Variants in TENM2 observed in about 807,000 individuals in gnomAD.
TENM2 encodes teneurin transmembrane protein 2.
Under a neutral mutation model 245.2 loss-of-function variants are expected in TENM2, and 52 were observed. The ratio of observed to expected loss-of-function variants is 0.21; its 90% CI spans 0.17 to 0.27. The LOEUF is 0.27. Among genes scored for constraint, TENM2 ranks in the 10% least tolerant of loss-of-function variants. TENM2 has a pLI of 1.00. For synonymous variants in TENM2, 1,363 were observed against 1,438.9 expected (o/e 0.95, Z 1.19); for missense variants, 3,046 against 3,666.8 (o/e 0.83, Z 4.37).
chr5:167,392,811 TTTAG>T (rs1761834484), intron 2 of TENM2, among the ~76,000 whole-genome samples: 1 of 152,222 alleles, frequency 6.6e-6, no homozygotes, highest in Admixed American at 6.5e-5. Flanking sequence ...AGAATATTTA[TTTAG>T]TTAGTTATTG....
chr5:167,431,600 T>C (rs1764224305), intron 2 of TENM2, among the ~76,000 whole-genome samples: 1 of 152,076 alleles, frequency 6.6e-6, no homozygotes, highest in Non-Finnish European at 1.5e-5. Flanking sequence ...GTCTAAAAAA[T>C]AGATTGCATT....
At chr5:168,105,034 A>G (rs866239855) in intron 9 of TENM2, among the ~76,000 whole-genome samples, 1 of 152,198 alleles carries the variant, frequency 6.6e-6, no homozygotes, top group Admixed American at 6.5e-5. Context: ...TGGGAGTCCA[A>G]AATACTGTGA....
chr5:167,196,754 T>A, the TENM2 span, among the ~76,000 whole-genome samples: 3 of 151,896 alleles, frequency 2.0e-5, no homozygotes, highest in Admixed American at 2.0e-4. Context: ...ACACTTTACA[T>A]AGTATATACA....
chr5:168,026,310 C>T (rs1786626858), intron 5 of TENM2, among the ~76,000 whole-genome samples: 2 of 152,186 alleles, frequency 1.3e-5, no homozygotes, highest in African/African-American at 2.4e-5. Flanking sequence ...AATTAGCCCT[C>T]TCATGATGGG....
intron 2 of TENM2, among the ~76,000 whole-genome samples, chr5:167,404,586 C>A (rs1273137684): frequency 6.6e-6 from 1 of 152,070 alleles, no homozygotes; most frequent in Non-Finnish European, 1.5e-5. Context: ...ATCACAATTG[C>A]TTTTGCATGA....
At chr5:168,229,879 TGAGATTAGTAGTTAA>T (rs527899271) in intron 25 of TENM2, 3 of 152,274 alleles carry the variant, frequency 2.0e-5, no homozygotes, top group African/African-American at 7.2e-5. Flanking sequence ...AAAAATGGAA[TGAGATTAGTAGTTAA>T]ATCCTTAATG....
At chr5:167,910,542 C>G (rs1472069014) in intron 3 of TENM2, among the ~76,000 whole-genome samples, 1 of 152,176 alleles carries the variant, frequency 6.6e-6, no homozygotes, top group Non-Finnish European at 1.5e-5. Context: ...CTTCTAGCAT[C>G]TGCATTTCTT....
At chr5:167,922,905 A>G (rs1250479678) in intron 3 of TENM2, among the ~76,000 whole-genome samples, 1 of 152,244 alleles carries the variant, frequency 6.6e-6, no homozygotes, top group East Asian at 1.9e-4. Context: ...TGTCCCTGGA[A>G]CAAAGAAAGG....
At chr5:168,129,827 G>C (rs2152371123) in intron 12 of TENM2, 1 of 152,280 alleles carries the variant, frequency 6.6e-6, no homozygotes, top group South Asian at 2.1e-4. Flanking sequence ...AGAGGAAATG[G>C]GGGCTCTTTG....
intron 2 of TENM2, among the ~76,000 whole-genome samples, chr5:167,423,373 G>A (rs1360959578): frequency 6.6e-6 from 1 of 152,136 alleles, no homozygotes; most frequent in Admixed American, 6.6e-5. Context: ...TGGACTTATT[G>A]TTGGTAAACT....
At chr5:167,061,981 A>G in the TENM2 span, among the ~76,000 whole-genome samples, 1 of 151,892 alleles carries the variant, frequency 6.6e-6, no homozygotes, top group African/African-American at 2.4e-5. Context: ...CTCACTTTCC[A>G]TTAGTAGGTG....
At chr5:167,943,109 T>A (rs1313270953) in intron 3 of TENM2, among the ~76,000 whole-genome samples, 2 of 152,234 alleles carry the variant, frequency 1.3e-5, no homozygotes, top group African/African-American at 4.8e-5. Context: ...ATGGAGAAAC[T>A]TTTGTTCCCT....
chr5:167,077,178 C>T, the TENM2 span, among the ~76,000 whole-genome samples: 1 of 152,168 alleles, frequency 6.6e-6, no homozygotes, highest in East Asian at 1.9e-4. Context: ...CTACATATTT[C>T]ACAAAATATT....
chr5:167,775,627 A>G (rs2150794192), intron 2 of TENM2, among the ~76,000 whole-genome samples: 1 of 152,280 alleles, frequency 6.6e-6, no homozygotes, highest in East Asian at 1.9e-4. Flanking sequence ...ATTATTCAAG[A>G]TTCAATAAAC....
At chr5:168,037,071 C>A (rs1787775019) in intron 5 of TENM2, among the ~76,000 whole-genome samples, 1 of 152,142 alleles carries the variant, frequency 6.6e-6, no homozygotes, top group East Asian at 1.9e-4. Context: ...TTCTTTCCAT[C>A]AGAATCAAGT....
At chr5:167,718,244 T>C (rs1268342253) in intron 2 of TENM2, among the ~76,000 whole-genome samples, 1 of 152,208 alleles carries the variant, frequency 6.6e-6, no homozygotes, top group Non-Finnish European at 1.5e-5. Flanking sequence ...CTCCCCATCC[T>C]GTTGCTGTGG....
chr5:167,474,740 T>A (rs1314904949), intron 2 of TENM2, among the ~76,000 whole-genome samples: 1 of 152,148 alleles, frequency 6.6e-6, no homozygotes, highest in Non-Finnish European at 1.5e-5. Context: ...GGTCTTGAAC[T>A]CCTGACCTCA....
chr5:167,689,864 G>A (rs555014675), intron 2 of TENM2, among the ~76,000 whole-genome samples: 1 of 152,050 alleles, frequency 6.6e-6, no homozygotes. Flanking sequence ...GGGTTCAAGC[G>A]ATTCTCCTGC....
the TENM2 span, among the ~76,000 whole-genome samples, chr5:167,018,015 C>A: frequency 6.6e-6 from 1 of 152,120 alleles, no homozygotes; most frequent in Non-Finnish European, 1.5e-5. Flanking sequence ...TATAAAAACA[C>A]AAAACCTCTG....
Sources: allele counts gnomAD v4.1 joint callset (sites outside exome capture counted in the v4.1 genomes callset), GRCh38; gene constraint gnomAD v4.1.1; transcripts MANE v1.5; gene names NCBI Gene and HGNC (gene_info 2026-07-23, HGNC 2026-07-21).